NLRC4: variants seen among roughly 807,000 people sequenced by gnomAD.
NLRC4 encodes the protein NLR family CARD domain containing 4.
Under a neutral mutation model 79.9 loss-of-function variants are expected in NLRC4, and 63 were observed. The observed-to-expected ratio is 0.79, with a 90% CI of 0.64 to 0.97. The LOEUF (loss-of-function observed/expected upper bound fraction) is 0.97, where lower values mean the gene tolerates loss of function less well. NLRC4 is among the 50% of genes least tolerant of loss of function. NLRC4 has a pLI of 0.00. For missense variants in NLRC4, 1,074 were observed against 1,215.2 expected (o/e 0.88, Z 1.73); for synonymous variants, 461 against 456.5 (o/e 1.01, Z -0.12).
chr2:32,261,316 C>CCCCTTTTTTTTTTTTTTTTT lies in NLRC4; in HGVS notation c.-119+3421_-119+3422insAAAAAAAAAAAAAAAAAGGG. Among the ~76,000 whole-genome samples, 18 of 96,878 alleles carry CCCCTTTTTTTTTTTTTTTTT rather than the reference C, an allele frequency of 1.9e-4. 1 individual carries two copies. The highest frequency in any genetic ancestry group is 3.6e-4 in the Admixed American group (3 of 8,322). The allele number at this position is 96,878 out of a possible 152,430, so 63.6% of individuals were successfully genotyped here. ...TTCTTTCGCCTATTAAGCCTCCCCCCTTTTGTTTTTTTTTGAGATGGAGCC... is the reference window on the plus strand; with the variant it reads ...TTCTTTCGCCTATTAAGCCTCCCCCCCCCTTTTTTTTTTTTTTTTTTTTTGTTTTTTTTTGAGATGGAGCC... On this transcript the variant is annotated intron_variant, in intron 1 of 8. Coordinates refer to ENST00000402280, the MANE Select transcript of NLRC4 (RefSeq NM_001199138.2).
intron 8 of NLRC4, among the ~76,000 whole-genome samples, chr2:32,231,572 T>G (rs1573469874): frequency 1.7e-5 from 1 of 59,486 alleles, no homozygotes; most frequent in Admixed American, 2.0e-4. Flanking sequence ...TATTTTTTTT[T>G]GTGGGGGGGG....
Position 32,226,378 on chromosome 2 carries a change from G to A in NLRC4, c.2783-1613C>T, listed in dbSNP as rs879237078. Among the ~76,000 whole-genome samples, 7 of 152,138 alleles carry A rather than the reference G, an allele frequency of 4.6e-5. 1 individual carries two copies. Among genetic ancestry groups the A allele is most frequent in the Non-Finnish European group, 1.0e-4 (7 of 68,018 alleles). On this transcript the variant is annotated intron_variant, in intron 8 of 8. Coordinates refer to ENST00000402280, the MANE Select transcript of NLRC4 (RefSeq NM_001199138.2). The stretch of plus-strand genomic sequence containing the variant: ...GCCAATGCTTTTATCACCATCATAA[G>A]GTCTTGAGTTTCGAAAGGTCTTCAG...
chr2:32,239,598 G>A (rs1264908354), intron 5 of NLRC4, among the ~76,000 whole-genome samples: 1 of 152,172 alleles, frequency 6.6e-6, no homozygotes, highest in Non-Finnish European at 1.5e-5. Flanking sequence ...ATGGAATGAG[G>A]TATATAAAAC....
chr2:32,253,438 G>A (rs553037575), intron 2 of NLRC4, among the ~76,000 whole-genome samples: 13 of 151,986 alleles, frequency 8.6e-5, no homozygotes, highest in East Asian at 5.9e-4. Flanking sequence ...GTGAGCCACC[G>A]TGCCCGGCCT....
At chr2:32,241,451 A>G (rs1478140327) in intron 4 of NLRC4, among the ~76,000 whole-genome samples, 1 of 133,256 alleles carries the variant, frequency 7.5e-6, no homozygotes, top group East Asian at 2.1e-4. Context: ...ATCTCAGCTC[A>G]CTGCCAGCTC....
Position 32,251,217 on chromosome 2 carries a change from AG to A in NLRC4, c.646del (p.Leu216SerfsTer22). On this transcript the variant is annotated frameshift_variant, in exon 4 of 9. Coordinates refer to ENST00000402280, the MANE Select transcript of NLRC4 (RefSeq NM_001199138.2). LOFTEE classifies it high-confidence loss of function. ...AGGTATATCCAGGAGTTGATCACAGAGGGTTTCAAAAAGTCCACCCTGGGCC... is the reference window on the plus strand; with the variant it reads ...AGGTATATCCAGGAGTTGATCACAGAGGTTTCAAAAAGTCCACCCTGGGCC... ...SRAQGGLFET[L>X]CDQLLDIPGT... 3 of 1,614,176 alleles carry A rather than the reference AG, an allele frequency of 1.9e-6. No individual in the cohort carries two copies. In the South Asian group the frequency reaches 3.3e-5, roughly 18 times the overall value.
chr2:32,229,309 A>C (rs908977203), intron 8 of NLRC4, among the ~76,000 whole-genome samples: 1 of 151,980 alleles, frequency 6.6e-6, no homozygotes, highest in Admixed American at 6.6e-5. Context: ...CACACTTATA[A>C]TGGCACATAC....
intron 8 of NLRC4, among the ~76,000 whole-genome samples, chr2:32,228,233 C>T (rs1270421717): frequency 2.6e-5 from 4 of 152,122 alleles, no homozygotes; most frequent in African/African-American, 4.8e-5. Flanking sequence ...AAGCAATAGG[C>T]TTTCCCACTC....
At chr2:32,245,994 G>C (rs968391365) in intron 4 of NLRC4, among the ~76,000 whole-genome samples, 1 of 152,020 alleles carries the variant, frequency 6.6e-6, no homozygotes, top group Non-Finnish European at 1.5e-5. Flanking sequence ...AACCAGCCTG[G>C]CCAACATGGT....
intron 2 of NLRC4, among the ~76,000 whole-genome samples, chr2:32,253,567 G>T (rs994916392): frequency 5.9e-5 from 9 of 152,194 alleles, no homozygotes; most frequent in Non-Finnish European, 1.0e-4. Flanking sequence ...GGTTGTAGTT[G>T]TAAGACCGTT....
intron 8 of NLRC4, among the ~76,000 whole-genome samples, chr2:32,228,750 A>C (rs149787020): frequency 3.3e-5 from 5 of 152,048 alleles, no homozygotes; most frequent in Admixed American, 1.3e-4. Context: ...CTAGAACATG[A>C]ATAGGGTCTG....
Position 32,245,082 on chromosome 2 carries a change from G to A in NLRC4, c.2258-3957C>T, listed in dbSNP as rs551346969. Among the ~76,000 whole-genome samples the A allele has an allele frequency of 1.6e-4, 24 of 152,132 alleles. No individual in the cohort carries two copies. The South Asian group carries it at 5.0e-3, about 32-fold the overall frequency. On this transcript the variant is annotated intron_variant, in intron 4 of 8. Transcript: ENST00000402280. ...CCCAGCAATTTGGGTAGCCGAGGTGGGTGGATCACTTGAGGTCTGGAGTTC... is the reference window on the plus strand; with the variant it reads ...CCCAGCAATTTGGGTAGCCGAGGTGAGTGGATCACTTGAGGTCTGGAGTTC...
At chr2:32,232,083 T>C (rs1686551451) in intron 8 of NLRC4, among the ~76,000 whole-genome samples, 1 of 152,186 alleles carries the variant, frequency 6.6e-6, no homozygotes, top group South Asian at 2.1e-4. Context: ...ATGGGGGATA[T>C]GGATCTTTGG....
rs573732280 is a variant in NLRC4, at chr2:32,240,385, T to C, written c.2350+648A>G. Among the ~76,000 whole-genome samples, 6 of 108,590 alleles carry C rather than the reference T, an allele frequency of 5.5e-5. No homozygotes were observed. In the South Asian group the frequency reaches 1.7e-3, roughly 30 times the overall value. The allele number at this position is 108,590 out of a possible 152,430, so 71.2% of individuals were successfully genotyped here. On this transcript the variant is annotated intron_variant, in intron 5 of 8. Transcript: ENST00000402280. ...AGGAGTATTTTAGTGAGGACTCAAG[T>C]AGGGAAAAAAAGAGCCAAAAAAAAA...
chr2:32,264,328 G>A (rs1687418417), intron 1 of NLRC4, among the ~76,000 whole-genome samples: 1 of 151,632 alleles, frequency 6.6e-6, no homozygotes, highest in Admixed American at 6.6e-5. Flanking sequence ...CAGCTACTTG[G>A]GAGGCTGAGG....
At chr2:32,235,275 A>G in intron 8 of NLRC4, 126 bp downstream of exon 8, 1 of 686,270 alleles carries the variant, frequency 1.5e-6, no homozygotes. Context: ...TGAATTCATT[A>G]GACATATTTA....
intron 8 of NLRC4, among the ~76,000 whole-genome samples, chr2:32,232,320 T>G (rs967309781): frequency 7.2e-5 from 11 of 152,186 alleles, no homozygotes; most frequent in African/African-American, 2.7e-4. Context: ...TTCGTTGAAA[T>G]TTGTCAGTAT....
intron 4 of NLRC4, 116 bp downstream of exon 4, chr2:32,249,491 A>T (rs1687012498): frequency 1.1e-6 from 1 of 872,534 alleles, no homozygotes; most frequent in Non-Finnish European, 1.7e-6. Context: ...TGGGATGGCC[A>T]CCTTGCAGGC....
chr2:32,242,042 T>C (rs139489224), intron 4 of NLRC4, among the ~76,000 whole-genome samples: 1 of 152,226 alleles, frequency 6.6e-6, no homozygotes, highest in East Asian at 1.9e-4. Flanking sequence ...GCCTTTATTA[T>C]ACAAATTAAA....
Sources: gnomAD v4.1 joint callset for allele counts (sites outside exome capture counted in the v4.1 genomes callset) on GRCh38, gnomAD v4.1.1 for gene constraint, MANE v1.5 for transcripts, NCBI Gene and HGNC (gene_info 2026-07-23, HGNC 2026-07-21) for gene names.